The following ANKH variants were observed in gnomAD, a reference collection of about 807,000 sequenced individuals.
ANKH encodes ANKH inorganic pyrophosphate transport regulator.
In ANKH, 15 loss-of-function variants were observed where a neutral mutation model predicts 49.0. The ratio of observed to expected loss-of-function variants is 0.31; its 90% CI spans 0.20 to 0.47. The LOEUF is 0.47. ANKH is among the 20% of genes least tolerant of loss of function. ANKH has a pLI of 1.00. For missense variants in ANKH, 429 were observed against 652.0 expected, an observed-to-expected ratio of 0.66 and a Z score of 3.72; for synonymous variants, 273 against 260.0, an observed-to-expected ratio of 1.05 and a Z score of -0.48.
rs1739743069 is a variant in ANKH, at chr5:14,779,573, G to A, written c.97-10382C>T. On this transcript the variant is annotated intron_variant, in intron 1 of 11. Coordinates refer to ENST00000284268, the MANE Select transcript of ANKH (RefSeq NM_054027.6). ...TTTTTCTGCATTTACTTAGCACAAT[G>A]CTTGAAACCCAATACATGCACAAAT... 2.0e-5 allele frequency among the ~76,000 whole-genome samples: 3 copies of A among 152,208 alleles called. No homozygotes were observed. The South Asian group carries it at 6.2e-4, about 31-fold the overall frequency.
At chr5:14,824,992 C>T (rs764060416) in intron 1 of ANKH, among the ~76,000 whole-genome samples, 3 of 152,120 alleles carry the variant, frequency 2.0e-5, no homozygotes, top group African/African-American at 4.8e-5. Context: ...AACAGACAGA[C>T]GGATGGTCTA....
intron 1 of ANKH, among the ~76,000 whole-genome samples, chr5:14,800,521 C>T (rs1740535677): frequency 6.6e-6 from 1 of 152,148 alleles, no homozygotes; most frequent in Non-Finnish European, 1.5e-5. Context: ...CTTCAGGAAC[C>T]ACCACCCTGA....
chr5:14,818,644 C>CAAAAAAA (rs34629052), intron 1 of ANKH, among the ~76,000 whole-genome samples: 3 of 64,906 alleles, frequency 4.6e-5, no homozygotes, highest in Admixed American at 1.9e-4. Context: ...AACTCCATCT[C>CAAAAAAA]AAAAAAAAAA....
At chr5:14,717,871 T>C (rs1204638343) in intron 8 of ANKH, among the ~76,000 whole-genome samples, 1 of 152,182 alleles carries the variant, frequency 6.6e-6, no homozygotes, top group Non-Finnish European at 1.5e-5. Context: ...TTGAGAGTCA[T>C]GTCAGCGCTC....
Position 14,729,988 on chromosome 5 carries a change from G to A in ANKH, c.1011+11839C>T, listed in dbSNP as rs945287093. On this transcript the variant is annotated intron_variant, in intron 8 of 11. Transcript: ENST00000284268. ...ACACCTTTATCCTCAGTTCCGCAGG[G>A]TTGCCTGCTCTGGGATGGCACCTAC... Among the ~76,000 whole-genome samples, 6 of 152,288 alleles carry A rather than the reference G, an allele frequency of 3.9e-5. No individual in the cohort carries two copies. In the South Asian group the frequency reaches 1.2e-3, roughly 32 times the overall value.
intron 9 of ANKH, among the ~76,000 whole-genome samples, chr5:14,716,256 C>CTT (rs779187621): frequency 6.6e-6 from 1 of 152,166 alleles, no homozygotes; most frequent in Non-Finnish European, 1.5e-5. Flanking sequence ...AATCCCAGCA[C>CTT]TTTGCCGAGG....
chr5:14,853,810 C>T (rs1171004220), intron 1 of ANKH, among the ~76,000 whole-genome samples: 1 of 152,054 alleles, frequency 6.6e-6, no homozygotes, highest in Non-Finnish European at 1.5e-5. Context: ...AACATGCAAG[C>T]AAACATAAAC....
At chr5:14,828,412 A>G (rs930608371) in intron 1 of ANKH, among the ~76,000 whole-genome samples, 3 of 152,160 alleles carry the variant, frequency 2.0e-5, no homozygotes, top group Non-Finnish European at 4.4e-5. Context: ...CTGTAATCCC[A>G]GCTACTCAGG....
At chr5:14,860,303 G>A (rs879932919) in intron 1 of ANKH, among the ~76,000 whole-genome samples, 3 of 152,210 alleles carry the variant, frequency 2.0e-5, no homozygotes, top group Admixed American at 2.0e-4. Flanking sequence ...GCTGCAAGCT[G>A]TCTTTCCAGT....
Position 14,706,969 on chromosome 5 carries a change from C to T in ANKH, c.*4228G>A, listed in dbSNP as rs143462936. On this transcript the variant is annotated 3_prime_UTR_variant, in exon 12 of 12. Transcript: ENST00000284268. ...GCAATGCAGACATCTCAACACTCCA[C>T]GTCTTTCAAAGCTCTTCCTCACACT... 8.0e-4 allele frequency: 122 copies of T among 152,320 alleles called. 1 individual carries two copies. Among genetic ancestry groups the T allele is most frequent in the African/African-American group, 2.8e-3 (115 of 41,560 alleles). 9.4% of individuals were successfully genotyped at this position (152,320 alleles called of 1,614,324 possible). A position where few individuals can be genotyped will look rare whatever the true frequency, so the allele number is the denominator to read the frequency against.
At chr5:14,783,963 C>A (rs916869510) in intron 1 of ANKH, among the ~76,000 whole-genome samples, 2 of 152,230 alleles carry the variant, frequency 1.3e-5, no homozygotes, top group Admixed American at 6.5e-5. Flanking sequence ...TTCACCTACT[C>A]GGGTAAGGGG....
At chr5:14,742,146 C>A (rs1402686946) in intron 7 of ANKH, among the ~76,000 whole-genome samples, 1 of 152,194 alleles carries the variant, frequency 6.6e-6, no homozygotes, top group East Asian at 1.9e-4. Flanking sequence ...CAATGCCCTG[C>A]AGCTCTTCCA....
At chr5:14,834,597 A>G (rs978126676) in intron 1 of ANKH, among the ~76,000 whole-genome samples, 1 of 152,132 alleles carries the variant, frequency 6.6e-6, no homozygotes, top group African/African-American at 2.4e-5. Flanking sequence ...CCTGGCCAAC[A>G]TGGTGAAACT....
intron 11 of ANKH, among the ~76,000 whole-genome samples, chr5:14,712,321 C>T (rs551138726): frequency 5.3e-5 from 8 of 152,260 alleles, no homozygotes; most frequent in Non-Finnish European, 1.2e-4. Flanking sequence ...CATGTGTCCT[C>T]GTTCTTCCAC....
chr5:14,736,809 G>A (rs1255454608), intron 8 of ANKH, among the ~76,000 whole-genome samples: 1 of 152,160 alleles, frequency 6.6e-6, no homozygotes, highest in Non-Finnish European at 1.5e-5. Flanking sequence ...TGCTTGCCAA[G>A]ATCCATCTGG....
At chr5:14,865,571 C>T (rs2921602) in intron 1 of ANKH, among the ~76,000 whole-genome samples, 105,801 of 152,070 alleles carry the variant, frequency 0.7, 37,433 homozygotes, top group Middle Eastern at 0.83. Flanking sequence ...CAACAGATCC[C>T]TGTCATGTTC....
At chr5:14,750,306 C>A (rs991825197) in intron 5 of ANKH, among the ~76,000 whole-genome samples, 10 of 152,174 alleles carry the variant, frequency 6.6e-5, no homozygotes, top group African/African-American at 1.9e-4. Flanking sequence ...TTTATACTTA[C>A]AACAAACAGA....
intron 1 of ANKH, among the ~76,000 whole-genome samples, chr5:14,822,794 C>T (rs1741232809): frequency 6.6e-6 from 1 of 152,220 alleles, no homozygotes. Context: ...CGCCTGTAAT[C>T]CCAGCACTTT....
intron 1 of ANKH, among the ~76,000 whole-genome samples, chr5:14,787,181 G>T (rs1453269421): frequency 6.6e-6 from 1 of 152,176 alleles, no homozygotes. Context: ...TGGCCTGGTT[G>T]CATGCGCCTG....
Sources: allele counts gnomAD v4.1 joint callset (sites outside exome capture counted in the v4.1 genomes callset), GRCh38; gene constraint gnomAD v4.1.1; transcripts MANE v1.5; gene names NCBI Gene and HGNC (gene_info 2026-07-23, HGNC 2026-07-21).